Variants in NTNG1 observed in about 807,000 individuals in gnomAD.
NTNG1 encodes netrin-G1.
A neutral mutation model predicts 54.0 loss-of-function variants in NTNG1; 16 were observed. The ratio of observed to expected loss-of-function variants is 0.30; its 90% CI spans 0.20 to 0.45. The LOEUF (loss-of-function observed/expected upper bound fraction) is 0.45, where lower values mean the gene tolerates loss of function less well. Ranked by LOEUF, NTNG1 falls within the 20% of genes least tolerant of loss-of-function variation. NTNG1 has a pLI of 1.00. For synonymous variants in NTNG1, 255 were observed against 263.1 expected (o/e 0.97, Z 0.30); for missense variants, 530 against 678.7 (o/e 0.78, Z 2.43).
At position 107,397,026 on chromosome 1, in the gene NTNG1, C is replaced by A. The variant is rs140696252; in HGVS notation, c.1060+1700C>A. On this transcript the variant is annotated intron_variant, in intron 4 of 7. Transcript: ENST00000370068. ...CAAGCTTTCGCATTGAAACTGATTTCTTGTTATTCTCTTGTTATAATCATC... is the reference window on the plus strand; with the variant it reads ...CAAGCTTTCGCATTGAAACTGATTTATTGTTATTCTCTTGTTATAATCATC... Among the ~76,000 whole-genome samples the A allele has an allele frequency of 2.7e-3, 410 of 152,292 alleles. 5 individuals are homozygous for A. The Middle Eastern group carries it at 0.041, about 15-fold the overall frequency.
At chr1:107,362,496 A>C (rs1210755166) in intron 3 of NTNG1, among the ~76,000 whole-genome samples, 2 of 152,206 alleles carry the variant, frequency 1.3e-5, no homozygotes, top group African/African-American at 4.8e-5. Context: ...TGCCGGATCT[A>C]AGTAGGAACA....
At chr1:107,376,314 ATG>A (rs1671237322) in intron 3 of NTNG1, among the ~76,000 whole-genome samples, 1 of 151,840 alleles carries the variant, frequency 6.6e-6, no homozygotes, top group Admixed American at 6.6e-5. Flanking sequence ...AGGCTGAGGC[ATG>A]GGAATGGCGT....
At chr1:107,292,259 C>T (rs567677009) in intron 2 of NTNG1, among the ~76,000 whole-genome samples, 217 of 152,178 alleles carry the variant, frequency 1.4e-3, no homozygotes, top group African/African-American at 5.0e-3. Flanking sequence ...CCTCAATTCT[C>T]GCGTCCTCAG....
chr1:107,300,737 A>G (rs1666265879), intron 2 of NTNG1, among the ~76,000 whole-genome samples: 1 of 152,194 alleles, frequency 6.6e-6, no homozygotes, highest in African/African-American at 2.4e-5. Flanking sequence ...ATGTCTCCAG[A>G]ATTTTAAAAA....
intron 2 of NTNG1, among the ~76,000 whole-genome samples, chr1:107,270,721 C>T (rs1337552714): frequency 7.3e-6 from 1 of 137,134 alleles, no homozygotes; most frequent in South Asian, 2.9e-4. Context: ...CCCGCCCCCC[C>T]ACCCCCAACC....
intron 2 of NTNG1, among the ~76,000 whole-genome samples, chr1:107,152,045 C>T (rs1168077811): frequency 6.6e-6 from 1 of 151,272 alleles, no homozygotes; most frequent in East Asian, 1.9e-4. Flanking sequence ...TACATATATA[C>T]ATACATATAT....
chr1:107,358,258 T>C lies in NTNG1; in HGVS notation c.887+33336T>C, dbSNP rs181187907. Among the ~76,000 whole-genome samples the C allele has an allele frequency of 3.3e-3, 507 of 152,224 alleles. 5 individuals carry two copies. The highest frequency in any genetic ancestry group is 0.012 in the African/African-American group (485 of 41,550). ...AAGAAATATTAAGTGCTACCTCTAC[T>C]TGAGTTATTTTAAAAATTTAGTTCT... On this transcript the variant is annotated intron_variant, in intron 3 of 7. Coordinates refer to ENST00000370068, the MANE Select transcript of NTNG1 (RefSeq NM_001113226.3).
intron 3 of NTNG1, among the ~76,000 whole-genome samples, chr1:107,357,026 A>T (rs1175308420): frequency 2.0e-5 from 3 of 152,144 alleles, no homozygotes; most frequent in Admixed American, 1.3e-4. Context: ...CAATCTGATG[A>T]TGGGGAGAAT....
intron 5 of NTNG1, 111 bp downstream of exon 5, chr1:107,407,819 G>T: frequency 1.1e-6 from 1 of 950,640 alleles, no homozygotes; most frequent in Non-Finnish European, 1.7e-6. Flanking sequence ...ATGTAATAGG[G>T]TATTTTCTTT....
intron 5 of NTNG1, among the ~76,000 whole-genome samples, chr1:107,429,165 A>G (rs1006825923): frequency 6.6e-6 from 1 of 152,048 alleles, no homozygotes; most frequent in African/African-American, 2.4e-5. Flanking sequence ...TCTTTTAGCA[A>G]CTGGGGTCCC....
intron 3 of NTNG1, among the ~76,000 whole-genome samples, chr1:107,384,569 A>G (rs948098032): frequency 6.6e-6 from 1 of 152,152 alleles, no homozygotes; most frequent in Non-Finnish European, 1.5e-5. Context: ...TTTTTTCTTT[A>G]TAGTCTATAC....
intron 2 of NTNG1, among the ~76,000 whole-genome samples, chr1:107,220,696 T>C (rs1286275553): frequency 3.9e-5 from 6 of 152,186 alleles, no homozygotes; most frequent in Admixed American, 3.9e-4. Context: ...CATTAACTGA[T>C]TTAAAGGAAT....
chr1:107,245,992 C>A (rs1662169885), intron 2 of NTNG1, among the ~76,000 whole-genome samples: 1 of 152,028 alleles, frequency 6.6e-6, no homozygotes, highest in African/African-American at 2.4e-5. Context: ...AATTTTACAT[C>A]CCTAGATTAG....
rs58563513 is a variant in NTNG1 at position 107,280,034 on chromosome 1, G to GGTGTGTGTGTGTGT, written c.247-44227_247-44214dup. ...ACTTCTGAATTCCTGTTCCTTTGTT[G>GGTGTGTGTGTGTGT]GTGTGTGTGTGTGTGTGTGTGTGTG... On this transcript the variant is annotated intron_variant, in intron 2 of 7. Coordinates refer to ENST00000370068, the MANE Select transcript of NTNG1 (RefSeq NM_001113226.3). Among the ~76,000 whole-genome samples the GGTGTGTGTGTGTGT allele has an allele frequency of 1.6e-3, 229 of 146,550 alleles. 1 individual carries two copies. Among genetic ancestry groups the GGTGTGTGTGTGTGT allele is most frequent in the African/African-American group, 5.5e-3 (218 of 39,570 alleles).
At chr1:107,445,978 C>T (rs1202910800) in intron 7 of NTNG1, among the ~76,000 whole-genome samples, 2 of 152,042 alleles carry the variant, frequency 1.3e-5, no homozygotes, top group Non-Finnish European at 2.9e-5. Flanking sequence ...AGGAAGCAGG[C>T]TGGATTTGGC....
intron 5 of NTNG1, among the ~76,000 whole-genome samples, chr1:107,425,685 G>A (rs1001817082): frequency 6.6e-6 from 1 of 151,848 alleles, no homozygotes; most frequent in African/African-American, 2.4e-5. Context: ...TGTTCCTTTG[G>A]GTAGATACCC....
intron 2 of NTNG1, among the ~76,000 whole-genome samples, chr1:107,205,213 A>T (rs114416788): frequency 1.3e-5 from 2 of 152,174 alleles, no homozygotes; most frequent in Non-Finnish European, 2.9e-5. Context: ...AAATGTTTCT[A>T]TGAGTCTATG....
chr1:107,270,873 G>T (rs1026475150), intron 2 of NTNG1, among the ~76,000 whole-genome samples: 8 of 151,866 alleles, frequency 5.3e-5, no homozygotes, highest in African/African-American at 1.9e-4. Context: ...TTTAAGAGAA[G>T]ACACTTATAT....
intron 3 of NTNG1, among the ~76,000 whole-genome samples, chr1:107,384,183 A>G (rs1671819768): frequency 6.6e-6 from 1 of 152,136 alleles, no homozygotes; most frequent in African/African-American, 2.4e-5. Context: ...TTTTATAGTC[A>G]TGGTACTCTA....
Sources: gnomAD v4.1 joint callset for allele counts (sites outside exome capture counted in the v4.1 genomes callset) on GRCh38, gnomAD v4.1.1 for gene constraint, MANE v1.5 for transcripts, NCBI Gene and HGNC (gene_info 2026-07-23, HGNC 2026-07-21) for gene names.